Variants in NLGN1 observed in about 807,000 individuals in gnomAD.
NLGN1 encodes the protein neuroligin-1.
NLGN1 carries 12 observed loss-of-function variants against 65.5 expected under a neutral mutation model. The observed-to-expected ratio is 0.18, with a 90% CI of 0.12 to 0.30. NLGN1 has a LOEUF of 0.30. NLGN1 is among the 10% of genes least tolerant of loss of function. The pLI is 1.00. For missense variants in NLGN1, 750 were observed against 1,007.1 expected (o/e 0.74, Z 3.46); for synonymous variants, 350 against 359.5 (o/e 0.97, Z 0.30).
At chr3:173,570,874 T>C (rs1744536833) in intron 2 of NLGN1, among the ~76,000 whole-genome samples, 1 of 152,082 alleles carries the variant, frequency 6.6e-6, no homozygotes, top group Admixed American at 6.5e-5. Context: ...CAGCTATTTT[T>C]TTGTATTTTA....
intron 4 of NLGN1, among the ~76,000 whole-genome samples, chr3:173,879,335 T>C (rs1434229071): frequency 1.3e-5 from 2 of 152,214 alleles, no homozygotes; most frequent in East Asian, 3.8e-4. Flanking sequence ...ACAATTTCTA[T>C]TGATCTGTCT....
chr3:173,636,014 A>T (rs1339180644), intron 3 of NLGN1, among the ~76,000 whole-genome samples: 1 of 152,148 alleles, frequency 6.6e-6, no homozygotes, highest in Non-Finnish European at 1.5e-5. Context: ...CTTGCTATCG[A>T]GGGTGGCAGT....
At chr3:174,063,520 T>C (rs1453295362) in intron 4 of NLGN1, among the ~76,000 whole-genome samples, 1 of 152,134 alleles carries the variant, frequency 6.6e-6, no homozygotes, top group African/African-American at 2.4e-5. Context: ...AATAACAAAA[T>C]ATTGTGAGTT....
At chr3:173,755,387 T>G (rs2150178424) in intron 3 of NLGN1, among the ~76,000 whole-genome samples, 1 of 152,224 alleles carries the variant, frequency 6.6e-6, no homozygotes, top group East Asian at 1.9e-4. Context: ...GTGCTAAAAC[T>G]TACAAAATAC....
chr3:173,404,460 C>T (rs1336311054), intron 1 of NLGN1, among the ~76,000 whole-genome samples: 1 of 152,134 alleles, frequency 6.6e-6, no homozygotes, highest in East Asian at 1.9e-4. Flanking sequence ...GGGCTCCTCG[C>T]CTCCAGGAGA....
At chr3:173,963,309 T>C (rs1004096165) in intron 4 of NLGN1, among the ~76,000 whole-genome samples, 1 of 123,374 alleles carries the variant, frequency 8.1e-6, no homozygotes, top group Non-Finnish European at 1.7e-5. Context: ...TATAATAACA[T>C]TTATTTTAGG....
chr3:173,845,756 A>C (rs1243548587), intron 4 of NLGN1, among the ~76,000 whole-genome samples: 1 of 152,142 alleles, frequency 6.6e-6, no homozygotes, highest in Non-Finnish European at 1.5e-5. Flanking sequence ...TAGGTGAAAA[A>C]CTGAGGCAAG....
chr3:173,435,144 C>T (rs2148764422), intron 2 of NLGN1: 1 of 152,704 alleles, frequency 6.5e-6, no homozygotes, highest in South Asian at 2.1e-4. Flanking sequence ...ACAAAAGCTC[C>T]CACGGCAAAA....
chr3:174,056,135 A>G (rs886448760), intron 4 of NLGN1, among the ~76,000 whole-genome samples: 51 of 151,986 alleles, frequency 3.4e-4, no homozygotes, highest in African/African-American at 1.2e-3. Flanking sequence ...GGGTTAAGTA[A>G]CTTGTCCAAG....
At chr3:173,691,810 A>C (rs1312433148) in intron 3 of NLGN1, among the ~76,000 whole-genome samples, 6 of 152,068 alleles carry the variant, frequency 3.9e-5, no homozygotes. Context: ...CAACGGCAAC[A>C]AATATTTTCT....
At chr3:173,672,098 C>T (rs1762528596) in intron 3 of NLGN1, among the ~76,000 whole-genome samples, 1 of 152,132 alleles carries the variant, frequency 6.6e-6, no homozygotes. Context: ...GGTGTGATCC[C>T]AGGAGATAGA....
chr3:173,681,351 C>T (rs1235686068), intron 3 of NLGN1, among the ~76,000 whole-genome samples: 1 of 152,140 alleles, frequency 6.6e-6, no homozygotes, highest in Non-Finnish European at 1.5e-5. Flanking sequence ...GTTAGCTGTT[C>T]TCACTCTTCT....
At position 173,700,382 on chromosome 3, in the gene NLGN1, T is replaced by C. The variant is rs183900818; in HGVS notation, c.493+95291T>C. Among the ~76,000 whole-genome samples, 119 of 152,344 alleles carry C rather than the reference T, an allele frequency of 7.8e-4. No homozygotes were observed. In the Middle Eastern group the frequency reaches 0.02, roughly 26 times the overall value. ...CTGTGTGAACTTTGGTTACTAACTT[T>C]CTCAAGGTGAGAAAAGATGTATTCA... On this transcript the variant is annotated intron_variant, in intron 3 of 6. Transcript: ENST00000457714.
At chr3:173,406,020 G>A (rs145212993) in intron 1 of NLGN1, among the ~76,000 whole-genome samples, 84 of 152,066 alleles carry the variant, frequency 5.5e-4, no homozygotes, top group African/African-American at 1.9e-3. Context: ...TATATAACAT[G>A]TATCATATAA....
intron 4 of NLGN1, among the ~76,000 whole-genome samples, chr3:173,827,826 A>T (rs73182610): frequency 0.35 from 52,841 of 151,750 alleles, 11,398 homozygotes; most frequent in Non-Finnish European, 0.48. Flanking sequence ...CTGATGTCCA[A>T]GAGCAGAAAA....
chr3:173,664,493 T>C (rs922311051), intron 3 of NLGN1, among the ~76,000 whole-genome samples: 2 of 152,076 alleles, frequency 1.3e-5, no homozygotes, highest in African/African-American at 4.8e-5. Flanking sequence ...GATAAGGAAA[T>C]TGGTAGCTTG....
At chr3:173,768,196 A>G (rs1292855321) in intron 3 of NLGN1, among the ~76,000 whole-genome samples, 1 of 152,234 alleles carries the variant, frequency 6.6e-6, no homozygotes, top group East Asian at 1.9e-4. Context: ...GTTTGGGGGG[A>G]AAAAGTTACT....
At chr3:173,696,765 A>G (rs190688346) in intron 3 of NLGN1, among the ~76,000 whole-genome samples, 1 of 152,334 alleles carries the variant, frequency 6.6e-6, no homozygotes, top group Admixed American at 6.5e-5. Context: ...TTAACCACAT[A>G]AAAATGTTGC....
At position 174,174,596 on chromosome 3, in the gene NLGN1, A is replaced by G. The variant is rs146396881; in HGVS notation, c.647-100719A>G. Among the ~76,000 whole-genome samples the G allele has an allele frequency of 4.8e-3, 722 of 151,966 alleles. 5 individuals carry two copies. The highest frequency in any genetic ancestry group is 0.016 in the African/African-American group (681 of 41,474). On this transcript the variant is annotated intron_variant, in intron 4 of 6. Coordinates refer to ENST00000457714, the Ensembl canonical transcript of NLGN1. ...CATTAGTGATGTTGAGCATTTTTTC[A>G]TATGCTTGTTGACCATTTGTATTTC...
Sources: gnomAD v4.1 joint callset for allele counts (sites outside exome capture counted in the v4.1 genomes callset) on GRCh38, gnomAD v4.1.1 for gene constraint, MANE v1.5 for transcripts, NCBI Gene and HGNC (gene_info 2026-07-23, HGNC 2026-07-21) for gene names.